Variants in DENND4C observed in about 807,000 individuals in gnomAD.
The protein encoded by DENND4C is DENN domain-containing protein 4C.
Under a neutral mutation model 203.0 loss-of-function variants are expected in DENND4C, and 108 were observed. The ratio of observed to expected loss-of-function variants is 0.53; its 90% CI spans 0.46 to 0.62. The LOEUF is 0.62. DENND4C is among the 20% of genes least tolerant of loss of function. The pLI, the probability that DENND4C is intolerant of heterozygous loss-of-function variation, is 0.00. For missense variants in DENND4C, 2,481 were observed against 2,301.2 expected (o/e 1.08, Z -1.60); for synonymous variants, 871 against 792.4 (o/e 1.10, Z -1.67).
chr9:19,249,473 C>G (rs912916462), intron 1 of DENND4C, among the ~76,000 whole-genome samples: 3 of 152,024 alleles, frequency 2.0e-5, no homozygotes, highest in Admixed American at 1.3e-4. Flanking sequence ...CCAGGCTAGT[C>G]TTGAGCTCCT....
rs1020226817 is a variant in DENND4C, at chr9:19,281,544, C to G, written c.305+5065C>G. ...TGTTGCTAAACTTTTGTCTTTTTTA[C>G]TGTTTTATAAACTGAGATGAGGTAT... On this transcript the variant is annotated intron_variant, in intron 2 of 32. Coordinates refer to ENST00000434457, the MANE Select transcript of DENND4C (RefSeq NM_001330640.2). Among the ~76,000 whole-genome samples the G allele has an allele frequency of 3.3e-5, 5 of 152,232 alleles. No individual in the cohort carries two copies. In the East Asian group the frequency reaches 9.6e-4, roughly 29 times the overall value.
chr9:19,245,804 A>G (rs200159627), intron 1 of DENND4C, among the ~76,000 whole-genome samples: 5 of 150,842 alleles, frequency 3.3e-5, no homozygotes, highest in Non-Finnish European at 7.4e-5. Context: ...TGCGGTGAGC[A>G]GAGATCATGC....
intron 1 of DENND4C, among the ~76,000 whole-genome samples, chr9:19,268,352 C>G (rs915964538): frequency 6.6e-6 from 1 of 152,112 alleles, no homozygotes; most frequent in African/African-American, 2.4e-5. Context: ...TGCCTACCCC[C>G]ACCTCCCAGA....
intron 26 of DENND4C, among the ~76,000 whole-genome samples, chr9:19,354,758 C>A (rs1824996198): frequency 6.6e-6 from 1 of 151,778 alleles, no homozygotes; most frequent in African/African-American, 2.4e-5. Flanking sequence ...GTTAGCCAGG[C>A]TGGTCTCGAA....
chr9:19,240,219 A>G (rs1823329099), intron 1 of DENND4C, among the ~76,000 whole-genome samples: 1 of 152,212 alleles, frequency 6.6e-6, no homozygotes, highest in Non-Finnish European at 1.5e-5. Flanking sequence ...TAGATGGTGT[A>G]GCATGCTACT....
intron 5 of DENND4C, among the ~76,000 whole-genome samples, chr9:19,295,713 A>C (rs1837329671): frequency 6.6e-6 from 1 of 151,768 alleles, no homozygotes; most frequent in African/African-American, 2.4e-5. Context: ...CAAAAAACTT[A>C]AGTTGAGTGA....
chr9:19,278,652 A>G (rs1377727262), intron 2 of DENND4C, among the ~76,000 whole-genome samples: 2 of 152,202 alleles, frequency 1.3e-5, no homozygotes, highest in Admixed American at 1.3e-4. Context: ...TTAAAACCAA[A>G]GGATGATTTG....
chr9:19,253,370 C>T (rs1053753006), intron 1 of DENND4C, among the ~76,000 whole-genome samples: 1 of 152,104 alleles, frequency 6.6e-6, no homozygotes, highest in African/African-American at 2.4e-5. Context: ...TTCTTTATAA[C>T]CCTCTTATGT....
intron 20 of DENND4C, among the ~76,000 whole-genome samples, chr9:19,337,203 TAAAG>T (rs1820679396): frequency 2.0e-5 from 3 of 152,204 alleles, no homozygotes; most frequent in Admixed American, 2.0e-4. Flanking sequence ...GTATGAATAT[TAAAG>T]AGGGAAGGAA....
At chr9:19,302,545 T>C (rs930691666) in intron 9 of DENND4C, among the ~76,000 whole-genome samples, 2 of 152,200 alleles carry the variant, frequency 1.3e-5, no homozygotes, top group Middle Eastern at 3.4e-3. Context: ...TTTTGTTGAA[T>C]AGAAGATAAT....
chr9:19,265,782 C>G (rs1449507751), intron 1 of DENND4C, among the ~76,000 whole-genome samples: 1 of 152,218 alleles, frequency 6.6e-6, no homozygotes, highest in Non-Finnish European at 1.5e-5. Context: ...AGGACAAGAA[C>G]TCAACCTTTT....
chr9:19,256,311 T>G (rs1470913115), intron 1 of DENND4C, among the ~76,000 whole-genome samples: 4 of 5,598 alleles, frequency 7.1e-4, no homozygotes, highest in African/African-American at 1.6e-3. Flanking sequence ...TTTTTTTTGT[T>G]TTTTTTTTTT....
intron 1 of DENND4C, among the ~76,000 whole-genome samples, chr9:19,251,711 A>T (rs952947147): frequency 6.6e-5 from 10 of 152,158 alleles, no homozygotes; most frequent in African/African-American, 2.4e-4. Flanking sequence ...CTCAAGTTCA[A>T]AGTTCCACAA....
intron 12 of DENND4C, among the ~76,000 whole-genome samples, chr9:19,317,942 T>A (rs1231847444): frequency 1.3e-5 from 2 of 152,228 alleles, no homozygotes. Context: ...CAGAAAAGGC[T>A]TTCTGGAAGT....
intron 12 of DENND4C, among the ~76,000 whole-genome samples, chr9:19,318,066 C>G (rs1479123057): frequency 6.6e-6 from 1 of 152,232 alleles, no homozygotes; most frequent in Non-Finnish European, 1.5e-5. Context: ...CGCCTGTAAT[C>G]CCAACACTTT....
At chr9:19,349,034 G>A (rs1823521863) in intron 23 of DENND4C, among the ~76,000 whole-genome samples, 1 of 152,068 alleles carries the variant, frequency 6.6e-6, no homozygotes, top group African/African-American at 2.4e-5. Context: ...TTGGACTCCT[G>A]GGCTCAAGTG....
At chr9:19,283,538 G>A (rs1208625288) in intron 2 of DENND4C, among the ~76,000 whole-genome samples, 2 of 151,470 alleles carry the variant, frequency 1.3e-5, no homozygotes, top group Non-Finnish European at 2.9e-5. Context: ...ATTATGTGGT[G>A]CATGATTGTA....
At chr9:19,243,529 T>C (rs567635082) in intron 1 of DENND4C, among the ~76,000 whole-genome samples, 20 of 152,180 alleles carry the variant, frequency 1.3e-4, no homozygotes, top group Non-Finnish European at 2.5e-4. Flanking sequence ...ATTCCCAGTC[T>C]CCTAGTCCCT....
chr9:19,250,374 G>A (rs1826257451), intron 1 of DENND4C, among the ~76,000 whole-genome samples: 1 of 152,144 alleles, frequency 6.6e-6, no homozygotes, highest in Non-Finnish European at 1.5e-5. Flanking sequence ...AACCCAGGAG[G>A]TGGAGGTTGC....
Sources: gnomAD v4.1 joint callset for allele counts (sites outside exome capture counted in the v4.1 genomes callset) on GRCh38, gnomAD v4.1.1 for gene constraint, MANE v1.5 for transcripts, NCBI Gene and HGNC (gene_info 2026-07-23, HGNC 2026-07-21) for gene names.